Variants in LINC00305 observed in about 807,000 individuals in gnomAD.
LINC00305 encodes long intergenic non-protein coding RNA 305.
At chr18:64,128,989 A>G (rs1410480344) in intron 1 of LINC00305, among the ~76,000 whole-genome samples, 2 of 152,094 alleles carry the variant, frequency 1.3e-5, no homozygotes, top group African/African-American at 4.8e-5. Context: ...ATACTTTTTT[A>G]TTGGTTGCTT....
chr18:64,092,905 T>C (rs1163907709), intron 3 of LINC00305, among the ~76,000 whole-genome samples: 1 of 152,186 alleles, frequency 6.6e-6, no homozygotes, highest in Non-Finnish European at 1.5e-5. Context: ...CAGTCACAGC[T>C]CTTAACCACT....
chr18:64,109,280 G>A (rs932243775), intron 1 of LINC00305, among the ~76,000 whole-genome samples: 3 of 152,216 alleles, frequency 2.0e-5, no homozygotes, highest in Admixed American at 2.0e-4. Flanking sequence ...ATTAGTGAAA[G>A]AGTATGATAG....
At position 64,115,968 on chromosome 18, in the gene LINC00305, G is replaced by A. The variant is rs563164418; in HGVS notation, n.315-17328C>T. On this transcript the variant is annotated intron_variant and non_coding_transcript_variant, in intron 1 of 3. Transcript: ENST00000666468. ...AAACTGCCTCCTGTCCTCAAGATAGGAGAAAATGTACTTTTCCATTGGGTA... is the reference window on the plus strand; with the variant it reads ...AAACTGCCTCCTGTCCTCAAGATAGAAGAAAATGTACTTTTCCATTGGGTA... Among the ~76,000 whole-genome samples, 3 of 152,254 alleles carry A rather than the reference G, an allele frequency of 2.0e-5. No homozygotes were observed. The South Asian group carries it at 6.2e-4, about 32-fold the overall frequency.
chr18:64,094,461 C>T (rs563685482), intron 3 of LINC00305, among the ~76,000 whole-genome samples: 1 of 152,280 alleles, frequency 6.6e-6, no homozygotes, highest in East Asian at 1.9e-4. Context: ...GAGTAAGGAT[C>T]AGCCCAGGGA....
At chr18:64,094,050 G>T (rs982092335) in intron 3 of LINC00305, among the ~76,000 whole-genome samples, 3 of 152,204 alleles carry the variant, frequency 2.0e-5, no homozygotes, top group Non-Finnish European at 4.4e-5. Flanking sequence ...TATACCTGGG[G>T]TCTGTGGGAG....
chr18:64,138,115 A>G (rs1359983713), intron 1 of LINC00305, among the ~76,000 whole-genome samples: 1 of 152,216 alleles, frequency 6.6e-6, no homozygotes, highest in Non-Finnish European at 1.5e-5. Context: ...AACAGAATCC[A>G]GGATGCTATT....
At chr18:64,118,326 A>T (rs896915655) in intron 1 of LINC00305, among the ~76,000 whole-genome samples, 13 of 152,210 alleles carry the variant, frequency 8.5e-5, no homozygotes, top group Admixed American at 2.6e-4. Context: ...CATACAGTCT[A>T]CGAAGGCAAC....
chr18:64,143,445 A>G (rs922066495), intron 1 of LINC00305, among the ~76,000 whole-genome samples: 4 of 150,666 alleles, frequency 2.7e-5, no homozygotes, highest in African/African-American at 9.9e-5. Flanking sequence ...TACATATTAT[A>G]TAGTAGTAGA....
intron 1 of LINC00305, among the ~76,000 whole-genome samples, chr18:64,140,546 A>G (rs767132071): frequency 1.6e-4 from 25 of 152,072 alleles, no homozygotes; most frequent in Non-Finnish European, 2.9e-4. Context: ...CATGGTAGAG[A>G]CCGTCTAAGT....
chr18:64,121,607 G>C (rs1236190852), intron 1 of LINC00305, among the ~76,000 whole-genome samples: 1 of 152,020 alleles, frequency 6.6e-6, no homozygotes, highest in African/African-American at 2.4e-5. Flanking sequence ...TAAACACTAA[G>C]GTTGATTCTG....
intron 3 of LINC00305, among the ~76,000 whole-genome samples, chr18:64,097,380 A>G (rs1052966041): frequency 2.0e-4 from 30 of 152,134 alleles, no homozygotes; most frequent in African/African-American, 7.2e-4. Context: ...GTAACACAAT[A>G]TTTGCCACAA....
At chr18:64,112,286 C>T in intron 1 of LINC00305, among the ~76,000 whole-genome samples, 1 of 149,180 alleles carries the variant, frequency 6.7e-6, no homozygotes, top group Non-Finnish European at 1.5e-5. Flanking sequence ...CGACTACACG[C>T]TGCGATTTAA....
intron 1 of LINC00305, among the ~76,000 whole-genome samples, chr18:64,099,067 C>G (rs185572668): frequency 9.2e-5 from 14 of 152,288 alleles, no homozygotes; most frequent in Admixed American, 9.2e-4. Flanking sequence ...TATCCTGTCT[C>G]TATTCCTGTT....
intron 1 of LINC00305, among the ~76,000 whole-genome samples, chr18:64,121,785 T>A (rs2051363160): frequency 6.6e-6 from 1 of 152,134 alleles, no homozygotes; most frequent in South Asian, 2.1e-4. Flanking sequence ...CCATAGAGGT[T>A]GTACTAATTT....
intron 1 of LINC00305, among the ~76,000 whole-genome samples, chr18:64,123,983 G>A (rs2051373670): frequency 6.6e-6 from 1 of 152,022 alleles, no homozygotes; most frequent in South Asian, 2.1e-4. Context: ...TTCTGCTTTT[G>A]GAGGTGAGGC....
chr18:64,115,000 T>C (rs868329153), intron 1 of LINC00305, among the ~76,000 whole-genome samples: 3 of 152,184 alleles, frequency 2.0e-5, no homozygotes, highest in Middle Eastern at 3.2e-3. Context: ...CCCTCCTCCA[T>C]GCAGGGCTGG....
chr18:64,146,873 C>G (rs2051500777), intron 1 of LINC00305, among the ~76,000 whole-genome samples: 1 of 152,118 alleles, frequency 6.6e-6, no homozygotes. Context: ...TATTGAACCA[C>G]TGTTAATAAG....
chr18:64,103,397 C>G (rs1379137451), intron 1 of LINC00305, among the ~76,000 whole-genome samples: 1 of 152,144 alleles, frequency 6.6e-6, no homozygotes, highest in African/African-American at 2.4e-5. Flanking sequence ...TATTCACAGT[C>G]TCTCTTGTTA....
chr18:64,134,952 G>A (rs1237814858), intron 1 of LINC00305, among the ~76,000 whole-genome samples: 1 of 152,126 alleles, frequency 6.6e-6, no homozygotes, highest in African/African-American at 2.4e-5. Flanking sequence ...TCGTTTGCTT[G>A]AGCTGCTGTA....
Sources: allele counts gnomAD v4.1 joint callset (sites outside exome capture counted in the v4.1 genomes callset), GRCh38; gene constraint gnomAD v4.1.1; transcripts MANE v1.5; gene names NCBI Gene and HGNC (gene_info 2026-07-23, HGNC 2026-07-21).